ANKRD30BL: variants seen among roughly 807,000 people sequenced by gnomAD.
ANKRD30BL encodes ankyrin repeat domain 30B like.
In ANKRD30BL, 20 loss-of-function variants were observed where a neutral mutation model predicts 18.4. The observed-to-expected ratio is 1.09, with a 90% CI of 0.77 to 1.58. The LOEUF is 1.58. Among genes scored for constraint, ANKRD30BL ranks in the 40% most tolerant of loss-of-function variants. ANKRD30BL has a pLI of 0.00. For missense variants in ANKRD30BL, 224 were observed against 268.6 expected (o/e 0.83, Z 1.16); for synonymous variants, 72 against 100.9 (o/e 0.71, Z 1.72).
chr2:132,256,381 T>C (rs1338902722), intron 1 of ANKRD30BL, among the ~76,000 whole-genome samples: 1 of 151,888 alleles, frequency 6.6e-6, no homozygotes, highest in Non-Finnish European at 1.5e-5. Context: ...CCCGACGGGC[T>C]CACCACTCCC....
intron 1 of ANKRD30BL, among the ~76,000 whole-genome samples, chr2:132,222,217 G>T (rs1452208942): frequency 4.1e-5 from 6 of 147,888 alleles, no homozygotes; most frequent in South Asian, 2.1e-4. Context: ...GTGGTGGGGG[G>T]GTCAGCCCCC....
At chr2:132,228,142 C>T (rs916416498) in intron 1 of ANKRD30BL, among the ~76,000 whole-genome samples, 192 of 151,872 alleles carry the variant, frequency 1.3e-3, no homozygotes, top group Non-Finnish European at 2.3e-3. Context: ...GATGTGTGCA[C>T]TGATCTCACA....
At chr2:132,190,932 A>G (rs1320097451) in intron 1 of ANKRD30BL, among the ~76,000 whole-genome samples, 6 of 152,210 alleles carry the variant, frequency 3.9e-5, no homozygotes, top group Non-Finnish European at 7.4e-5. Context: ...GATGGAAGCA[A>G]ATTAATGTTT....
intron 5 of ANKRD30BL, among the ~76,000 whole-genome samples, chr2:132,149,088 T>C (rs1687689970): frequency 6.6e-6 from 1 of 152,206 alleles, no homozygotes; most frequent in South Asian, 2.1e-4. Context: ...TCCTGCAACT[T>C]GCAAAATCTA....
chr2:132,248,643 G>T (rs77968579), intron 1 of ANKRD30BL, among the ~76,000 whole-genome samples: 1 of 151,816 alleles, frequency 6.6e-6, no homozygotes, highest in African/African-American at 2.4e-5. Context: ...ACCTCAAGCC[G>T]CTCACAAATA....
intron 1 of ANKRD30BL, among the ~76,000 whole-genome samples, chr2:132,198,276 C>T (rs193054984): frequency 2.3e-4 from 8 of 34,116 alleles, no homozygotes; most frequent in African/African-American, 7.0e-4. Flanking sequence ...TCTTTTCTTT[C>T]TTTCTTTCTT....
At chr2:132,249,378 C>T (rs1026223914) in intron 1 of ANKRD30BL, among the ~76,000 whole-genome samples, 6 of 152,210 alleles carry the variant, frequency 3.9e-5, no homozygotes, top group African/African-American at 1.4e-4. Flanking sequence ...TTCCAAAATG[C>T]TCAATCAATA....
chr2:132,201,753 A>G (rs1396025363), intron 1 of ANKRD30BL, among the ~76,000 whole-genome samples: 1 of 152,194 alleles, frequency 6.6e-6, no homozygotes, highest in East Asian at 1.9e-4. Flanking sequence ...AGAGATCTAG[A>G]ACTAGAAATA....
intron 1 of ANKRD30BL, among the ~76,000 whole-genome samples, chr2:132,234,643 G>C (rs946795781): frequency 6.6e-6 from 1 of 152,174 alleles, no homozygotes; most frequent in Non-Finnish European, 1.5e-5. Flanking sequence ...ACAGGAAGGA[G>C]TTGAATCTCG....
chr2:132,240,698 T>C (rs78564453), intron 1 of ANKRD30BL, among the ~76,000 whole-genome samples: 8 of 151,900 alleles, frequency 5.3e-5, no homozygotes, highest in African/African-American at 9.7e-5. Flanking sequence ...TCTCAGAAAC[T>C]TCTTTGTGAT....
chr2:132,188,762 T>C (rs1464319802), intron 1 of ANKRD30BL, among the ~76,000 whole-genome samples: 2 of 152,092 alleles, frequency 1.3e-5, no homozygotes, highest in African/African-American at 4.8e-5. Flanking sequence ...CTTATTATAA[T>C]AAATAACTAA....
intron 1 of ANKRD30BL, among the ~76,000 whole-genome samples, chr2:132,226,364 C>T (rs1460389951): frequency 1.3e-5 from 2 of 148,292 alleles, no homozygotes; most frequent in Non-Finnish European, 3.0e-5. Flanking sequence ...CACATAAAAA[C>T]TAGACAGAGG....
At chr2:132,198,600 G>A (rs1679026854) in intron 1 of ANKRD30BL, among the ~76,000 whole-genome samples, 1 of 151,368 alleles carries the variant, frequency 6.6e-6, no homozygotes, top group Non-Finnish European at 1.5e-5. Flanking sequence ...TGGGATCACA[G>A]GCATGAGCCA....
chr2:132,212,812 C>CA (rs1251817480), intron 1 of ANKRD30BL, among the ~76,000 whole-genome samples: 3 of 151,252 alleles, frequency 2.0e-5, no homozygotes, highest in African/African-American at 7.3e-5. Flanking sequence ...AATGTCCTCA[C>CA]ATAAAAACTA....
chr2:132,190,348 T>G (rs1360994777), intron 1 of ANKRD30BL, among the ~76,000 whole-genome samples: 1 of 151,690 alleles, frequency 6.6e-6, no homozygotes, highest in East Asian at 1.9e-4. Context: ...TACTTCTGCT[T>G]CGAGTACATG....
chr2:132,192,001 T>C lies in ANKRD30BL; in HGVS notation n.442-34855A>G, dbSNP rs190913200. Among the ~76,000 whole-genome samples the C allele has an allele frequency of 2.1e-3, 322 of 152,228 alleles. 2 individuals carry two copies. The highest frequency in any genetic ancestry group is 0.014 in the South Asian group (68 of 4,816). On this transcript the variant is annotated intron_variant and non_coding_transcript_variant, in intron 1 of 4. Transcript: ENST00000470729. ...CCTTGTGATTCACCCACCTTGGCCT[T>C]CCAAAGTGCTGGAAATAGAGGTGGA...
intron 1 of ANKRD30BL, among the ~76,000 whole-genome samples, chr2:132,219,392 C>T (rs1215421174): frequency 4.6e-5 from 7 of 151,822 alleles, no homozygotes; most frequent in Non-Finnish European, 7.4e-5. Flanking sequence ...TTGAAGCTTT[C>T]TTTAGATAGA....
At chr2:132,201,478 A>G (rs370766415) in intron 1 of ANKRD30BL, among the ~76,000 whole-genome samples, 12 of 152,330 alleles carry the variant, frequency 7.9e-5, no homozygotes, top group African/African-American at 2.2e-4. Context: ...AAAAGTGGGC[A>G]AAGGACATGA....
chr2:132,227,241 C>G lies in ANKRD30BL; in HGVS notation n.441+30288G>C, dbSNP rs1679872388. Among the ~76,000 whole-genome samples the G allele has an allele frequency of 2.0e-5, 3 of 152,090 alleles. No individual in the cohort carries two copies. The South Asian group carries it at 6.2e-4, about 31-fold the overall frequency. On this transcript the variant is annotated intron_variant and non_coding_transcript_variant, in intron 1 of 4. Transcript: ENST00000470729. ...TACTAGACAGAAGCATTCTCAGAAA[C>G]TTGCTTGTAATGTGTGCATTCACTT...
Sources: gnomAD v4.1 joint callset for allele counts (sites outside exome capture counted in the v4.1 genomes callset) on GRCh38, gnomAD v4.1.1 for gene constraint, MANE v1.5 for transcripts, NCBI Gene and HGNC (gene_info 2026-07-23, HGNC 2026-07-21) for gene names.